Variants in SHROOM4 observed in about 807,000 individuals in gnomAD.
SHROOM4 encodes protein Shroom4.
In SHROOM4, 17 loss-of-function variants were observed where a neutral mutation model predicts 80.3. The ratio of observed to expected loss-of-function variants is 0.21; its 90% CI spans 0.14 to 0.32. The LOEUF (loss-of-function observed/expected upper bound fraction) is 0.32. SHROOM4 is among the 10% of genes least tolerant of loss of function. SHROOM4 has a pLI of 1.00. For synonymous variants in SHROOM4, 400 were observed against 437.5 expected, an observed-to-expected ratio of 0.91 and a Z score of 1.07; for missense variants, 993 against 1,140.3, an observed-to-expected ratio of 0.87 and a Z score of 1.86.
In SHROOM4 at chrX:50,587,698, G is replaced by A. The variant is rs1449168002; in HGVS notation, c.*8997C>T. 3.6e-5 allele frequency among the ~76,000 whole-genome samples: 4 copies of A among 111,944 alleles called. No homozygotes were observed. Among genetic ancestry groups the A allele is most frequent in the Non-Finnish European group, 1.9e-5 (1 of 53,140 alleles). Reference sequence around the variant, plus strand: ...CGAGAGTGGGGACTTTGTCTATCTTGTCCACTTCTGAATCCCTGAAGCACA... The same window carrying A: ...CGAGAGTGGGGACTTTGTCTATCTTATCCACTTCTGAATCCCTGAAGCACA... On this transcript the variant is annotated 3_prime_UTR_variant, in exon 9 of 9. Coordinates refer to ENST00000376020, the MANE Select transcript of SHROOM4 (RefSeq NM_020717.5).
chrX:50,750,486 T>G (rs1350059787), intron 1 of SHROOM4, among the ~76,000 whole-genome samples: 1 of 111,949 alleles, frequency 8.9e-6, no homozygotes, highest in African/African-American at 3.3e-5. Flanking sequence ...GCTCTCGAAC[T>G]CCTGACCTCA....
chrX:50,644,022 G>A (rs1384472138), intron 2 of SHROOM4, among the ~76,000 whole-genome samples: 8 of 112,254 alleles, frequency 7.1e-5, no homozygotes, highest in African/African-American at 2.3e-4. Context: ...CAGCCTCCAG[G>A]TCCAGAGGAG....
chrX:50,599,998 G>T (rs1929318555), intron 7 of SHROOM4, among the ~76,000 whole-genome samples: 1 of 111,102 alleles, frequency 9.0e-6, no homozygotes, highest in African/African-American at 3.3e-5. Flanking sequence ...GGGAAGTACA[G>T]CAAAGTTTTA....
intron 2 of SHROOM4, among the ~76,000 whole-genome samples, chrX:50,642,258 T>C (rs966644619): frequency 1.8e-5 from 2 of 111,942 alleles, no homozygotes; most frequent in Non-Finnish European, 3.8e-5. Context: ...CCATCTGTTT[T>C]TCATGAGTTA....
chrX:50,774,765 G>C (rs1557269981), intron 1 of SHROOM4, among the ~76,000 whole-genome samples: 1 of 110,208 alleles, frequency 9.1e-6, no homozygotes, highest in African/African-American at 3.3e-5. Context: ...AATTTGATCT[G>C]AGCTTCCCAG....
chrX:50,716,976 C>T (rs782387149), intron 1 of SHROOM4, among the ~76,000 whole-genome samples: 4 of 112,535 alleles, frequency 3.6e-5, no homozygotes, highest in African/African-American at 1.3e-4. Flanking sequence ...GTTTCAGTTA[C>T]TTGCAGCCTA....
At chrX:50,787,237 A>C (rs1235628622) in intron 1 of SHROOM4, among the ~76,000 whole-genome samples, 1 of 110,226 alleles carries the variant, frequency 9.1e-6, no homozygotes, top group Non-Finnish European at 1.9e-5. Context: ...AAAAAAAAAA[A>C]ACAGAAATCT....
chrX:50,794,716 G>A (rs2147709790), intron 1 of SHROOM4, among the ~76,000 whole-genome samples: 1 of 107,181 alleles, frequency 9.3e-6, no homozygotes, highest in African/African-American at 3.4e-5. Context: ...TGTGTGGTGA[G>A]GTACCTACCT....
At chrX:50,576,143 A>G in the SHROOM4 span, among the ~76,000 whole-genome samples, 1 of 111,587 alleles carries the variant, frequency 9.0e-6, no homozygotes, top group Non-Finnish European at 1.9e-5. Flanking sequence ...TCTCTAGGTG[A>G]GAAAAGAAAC....
chrX:50,729,736 A>G (rs1431390264), intron 1 of SHROOM4, among the ~76,000 whole-genome samples: 1 of 111,677 alleles, frequency 9.0e-6, no homozygotes, highest in Non-Finnish European at 1.9e-5. Context: ...TCTTGAGAGC[A>G]TCAAGCAAAA....
At chrX:50,583,745 C>A (rs1455343258), downstream of SHROOM4, among the ~76,000 whole-genome samples, 1 of 111,135 alleles carries the variant, frequency 9.0e-6, no homozygotes, top group Non-Finnish European at 1.9e-5. Context: ...TCTATGGCCA[C>A]AAGAAAATGT....
chrX:50,722,682 A>C (rs1342969120), intron 1 of SHROOM4, among the ~76,000 whole-genome samples: 1 of 110,430 alleles, frequency 9.1e-6, no homozygotes, highest in Non-Finnish European at 1.9e-5. Context: ...GAATTTCTGA[A>C]ATAGAACCCA....
rs1557263008 is a variant in SHROOM4 at position 50,695,851 on chromosome X, G to A, written c.204C>T (p.Gly68=). Residue 68 remains glycine, a synonymous_variant, in exon 2 of 9, where the codon GGC becomes GGT. Coordinates refer to ENST00000376020, the MANE Select transcript of SHROOM4 (RefSeq NM_020717.5). The stretch of plus-strand genomic sequence containing the variant: ...TGAGAATGAGGGCCTCTTGGCGGGA[G>A]CCATATAATGGAGTGCCATTGATAT... ...LVNINGTPLY[G]SRQEALILIK... is the part of the protein sequence containing the mutation. 1.7e-6 allele frequency: 2 copies of A among 1,211,279 alleles called. No homozygotes were observed. Among genetic ancestry groups the A allele is most frequent in the Non-Finnish European group, 2.2e-6 (2 of 895,002 alleles).
At chrX:50,752,088 G>A (rs1343685527) in intron 1 of SHROOM4, among the ~76,000 whole-genome samples, 1 of 111,816 alleles carries the variant, frequency 8.9e-6, no homozygotes, top group Non-Finnish European at 1.9e-5. Context: ...TAAACACAGA[G>A]AAAAAACATT....
At chrX:50,781,568 G>A (rs782222737) in intron 1 of SHROOM4, among the ~76,000 whole-genome samples, 1 of 109,735 alleles carries the variant, frequency 9.1e-6, no homozygotes, top group Admixed American at 9.7e-5. Context: ...TGGGGAGTGG[G>A]GGGGATGCAG....
chrX:50,774,694 A>G (rs1935468631), intron 1 of SHROOM4, among the ~76,000 whole-genome samples: 1 of 110,483 alleles, frequency 9.1e-6, no homozygotes, highest in African/African-American at 3.3e-5. Context: ...AAAACAGAAA[A>G]TGAGGTTATT....
intron 1 of SHROOM4, among the ~76,000 whole-genome samples, chrX:50,734,190 C>T (rs1934429141): frequency 8.9e-6 from 1 of 111,753 alleles, no homozygotes; most frequent in African/African-American, 3.3e-5. Context: ...GATGGCAGTA[C>T]TTCCCAAACT....
intron 2 of SHROOM4, among the ~76,000 whole-genome samples, chrX:50,642,617 C>T (rs941101722): frequency 1.8e-5 from 2 of 110,844 alleles, no homozygotes; most frequent in African/African-American, 6.6e-5. Context: ...TGCATGCTAC[C>T]GTGCCCGGCT....
At chrX:50,635,768 A>C in intron 3 of SHROOM4, 100 bp from the exon 4 acceptor site, 2 of 678,244 alleles carry the variant, frequency 2.9e-6, no homozygotes, top group African/African-American at 2.4e-5. Context: ...CACAAAAGAG[A>C]GGAGGGTAGG....
Sources: allele counts gnomAD v4.1 joint callset (sites outside exome capture counted in the v4.1 genomes callset), GRCh38; gene constraint gnomAD v4.1.1; transcripts MANE v1.5; gene names NCBI Gene and HGNC (gene_info 2026-07-23, HGNC 2026-07-21).